Variants in CNTN1 observed in about 807,000 individuals in gnomAD.
The protein encoded by CNTN1 is contactin 1.
In CNTN1, 38 loss-of-function variants were observed where a neutral mutation model predicts 126.4. The observed-to-expected ratio is 0.30, with a 90% CI of 0.23 to 0.39. The LOEUF is 0.39. Ranked by LOEUF, CNTN1 falls within the 10% of genes least tolerant of loss-of-function variation. CNTN1 has a pLI of 1.00. For missense variants in CNTN1, 1,009 were observed against 1,248.4 expected (o/e 0.81, Z 2.89); for synonymous variants, 413 against 422.6 (o/e 0.98, Z 0.28).
intron 1 of CNTN1, among the ~76,000 whole-genome samples, chr12:40,834,532 C>A (rs1475767376): frequency 1.3e-5 from 2 of 152,072 alleles, no homozygotes; most frequent in Admixed American, 6.6e-5. Context: ...GGAATTTAAA[C>A]AGATGGAAGA....
chr12:40,857,435 A>G (rs2583991), intron 1 of CNTN1, among the ~76,000 whole-genome samples: 37,041 of 152,040 alleles, frequency 0.24, 4,887 homozygotes, highest in South Asian at 0.35. Flanking sequence ...GTTTGTGGGC[A>G]GTGGAGATGT....
At position 41,070,340 on chromosome 12, in the gene CNTN1, C is replaced by A; in HGVS notation, c.*305C>A. 2.3e-6 allele frequency: 1 copy of A among 429,216 alleles called. No homozygotes were observed. The allele number at this position is 429,216 out of a possible 1,614,324, so 26.6% of individuals were successfully genotyped here. On this transcript the variant is annotated 3_prime_UTR_variant, in exon 24 of 24. Coordinates refer to ENST00000551295, the MANE Select transcript of CNTN1 (RefSeq NM_001843.4). ...ACCCAATGGGACAAGTTACAGTGTT[C>A]AATTCAATACTATAGGCTGTAGAGT...
chr12:40,693,371 G>A (rs940919299), intron 1 of CNTN1, among the ~76,000 whole-genome samples: 23 of 152,114 alleles, frequency 1.5e-4, no homozygotes, highest in Non-Finnish European at 2.9e-4. Context: ...TCAAGTGATT[G>A]TGCCCGGATG....
intron 14 of CNTN1, among the ~76,000 whole-genome samples, chr12:40,957,505 T>C (rs1946932464): frequency 6.6e-6 from 1 of 151,398 alleles, no homozygotes; most frequent in Non-Finnish European, 1.5e-5. Flanking sequence ...GTAAACTAAC[T>C]TTACTAGGTA....
intron 16 of CNTN1, among the ~76,000 whole-genome samples, chr12:40,991,584 C>T (rs182464437): frequency 1.3e-5 from 2 of 152,274 alleles, no homozygotes; most frequent in African/African-American, 4.8e-5. Flanking sequence ...AATCCCAGGA[C>T]TTTGGGAGGC....
chr12:40,809,812 T>TCACACA (rs1491201033), intron 1 of CNTN1, among the ~76,000 whole-genome samples: 177 of 42,114 alleles, frequency 4.2e-3, no homozygotes, highest in African/African-American at 0.012. Context: ...TGAGACTCTG[T>TCACACA]CTCACACACA....
At chr12:41,015,235 CTAAGTT>C (rs1157868302) in intron 18 of CNTN1, among the ~76,000 whole-genome samples, 3 of 152,002 alleles carry the variant, frequency 2.0e-5, no homozygotes, top group Non-Finnish European at 4.4e-5. Flanking sequence ...ATATTTATTT[CTAAGTT>C]TAACTGCCAA....
At chr12:41,035,390 G>A (rs1426305443) in intron 23 of CNTN1, among the ~76,000 whole-genome samples, 1 of 152,030 alleles carries the variant, frequency 6.6e-6, no homozygotes, top group South Asian at 2.1e-4. Context: ...AAACATTACA[G>A]ATTTTCAAAA....
chr12:40,908,333 T>G, intron 1 of CNTN1, 24 bp from the exon 2 acceptor site: 1 of 836,172 alleles, frequency 1.2e-6, no homozygotes. Context: ...TCTTTCCTTC[T>G]TCTTCTTTTC....
intron 11 of CNTN1, 122 bp downstream of exon 11, chr12:40,937,809 G>T (rs56242204): frequency 1.4e-5 from 10 of 735,016 alleles, no homozygotes; most frequent in Admixed American, 1.3e-4. Flanking sequence ...TATGTTGGTT[G>T]TTTACTGATT....
intron 17 of CNTN1, among the ~76,000 whole-genome samples, chr12:41,012,578 C>T (rs1248113378): frequency 6.6e-6 from 1 of 152,186 alleles, no homozygotes. Context: ...AGGACTCCTT[C>T]CAGCCCCACA....
At chr12:40,947,008 T>C (rs1403327356) in intron 14 of CNTN1, among the ~76,000 whole-genome samples, 1 of 152,040 alleles carries the variant, frequency 6.6e-6, no homozygotes, top group African/African-American at 2.4e-5. Context: ...TAACTGTACA[T>C]TTTTAAAGAT....
chr12:40,747,423 A>T (rs1024812544), intron 1 of CNTN1, among the ~76,000 whole-genome samples: 2 of 152,012 alleles, frequency 1.3e-5, no homozygotes, highest in African/African-American at 4.8e-5. Context: ...AGACAAAAAA[A>T]GATGATAAAA....
intron 15 of CNTN1, among the ~76,000 whole-genome samples, chr12:40,978,253 T>C (rs1167937129): frequency 6.6e-6 from 1 of 152,118 alleles, no homozygotes; most frequent in Non-Finnish European, 1.5e-5. Context: ...TGTTTTTTAA[T>C]ACAATTATGA....
chr12:40,927,477 C>T (rs1945735680), intron 6 of CNTN1, among the ~76,000 whole-genome samples: 1 of 152,004 alleles, frequency 6.6e-6, no homozygotes, highest in African/African-American at 2.4e-5. Flanking sequence ...TCAGTTCTGC[C>T]TCCCGTTTGC....
intron 17 of CNTN1, among the ~76,000 whole-genome samples, chr12:40,996,188 G>A (rs984289307): frequency 1.3e-5 from 2 of 151,080 alleles, no homozygotes; most frequent in Non-Finnish European, 2.9e-5. Flanking sequence ...TTGGAGTGCA[G>A]TGGCACAATC....
chr12:40,792,171 C>T (rs1384044017), intron 1 of CNTN1, among the ~76,000 whole-genome samples: 3 of 151,934 alleles, frequency 2.0e-5, no homozygotes, highest in Admixed American at 1.3e-4. Flanking sequence ...AGGATGATTC[C>T]TTGAGGAAAT....
intron 1 of CNTN1, among the ~76,000 whole-genome samples, chr12:40,849,154 G>A (rs942279940): frequency 1.3e-5 from 2 of 152,048 alleles, no homozygotes; most frequent in Non-Finnish European, 2.9e-5. Flanking sequence ...CATTAAAATG[G>A]GGATTAGTAA....
chr12:40,929,698 T>G, intron 6 of CNTN1, 98 bp from the exon 7 acceptor site: 1 of 882,218 alleles, frequency 1.1e-6, no homozygotes, highest in Non-Finnish European at 1.8e-6. Context: ...ACAATAGCCT[T>G]TATTAGATTA....
Sources: allele counts gnomAD v4.1 joint callset (sites outside exome capture counted in the v4.1 genomes callset), GRCh38; gene constraint gnomAD v4.1.1; transcripts MANE v1.5; gene names NCBI Gene and HGNC (gene_info 2026-07-23, HGNC 2026-07-21).